The following DOCK10 variants were observed in gnomAD, a reference collection of about 807,000 sequenced individuals.
DOCK10 encodes the protein dedicator of cytokinesis 10.
DOCK10 carries 145 observed loss-of-function variants against 280.1 expected under a neutral mutation model. That is an observed-to-expected ratio of 0.52 (90% CI 0.45 to 0.59). The LOEUF (loss-of-function observed/expected upper bound fraction) is 0.59, where lower values mean the gene tolerates loss of function less well. DOCK10 is among the 20% of genes least tolerant of loss of function. The probability of loss-of-function intolerance (pLI) is 0.00; values close to 1 mark genes in which losing one functional copy is unlikely to be tolerated. For synonymous variants in DOCK10, 915 were observed against 942.2 expected (o/e 0.97, Z 0.53); for missense variants, 2,368 against 2,651.7 (o/e 0.89, Z 2.35).
chr2:224,869,743 G>A (rs567847811), intron 11 of DOCK10, among the ~76,000 whole-genome samples: 1 of 152,316 alleles, frequency 6.6e-6, no homozygotes, highest in African/African-American at 2.4e-5. Context: ...GTACTTGGCT[G>A]TGTTCTCTTG....
At chr2:225,028,125 C>A (rs1279514436) in intron 1 of DOCK10, among the ~76,000 whole-genome samples, 1 of 152,024 alleles carries the variant, frequency 6.6e-6, no homozygotes, top group African/African-American at 2.4e-5. Context: ...GGGGACTTTG[C>A]AAATATGATT....
At chr2:224,938,515 T>C (rs527341841) in intron 1 of DOCK10, among the ~76,000 whole-genome samples, 1 of 152,276 alleles carries the variant, frequency 6.6e-6, no homozygotes, top group South Asian at 2.1e-4. Flanking sequence ...ATGGGGTCTT[T>C]TGAGAGACCC....
intron 7 of DOCK10, among the ~76,000 whole-genome samples, chr2:224,883,401 C>T (rs1559649723): frequency 6.6e-6 from 1 of 152,130 alleles, no homozygotes; most frequent in African/African-American, 2.4e-5. Context: ...TAAATTAACA[C>T]ACTTAGGAAA....
intron 17 of DOCK10, 97 bp from the exon 18 acceptor site, chr2:224,852,539 A>C: frequency 1.1e-6 from 1 of 870,226 alleles, no homozygotes; most frequent in Admixed American, 2.4e-5. Flanking sequence ...ATTAATCCAA[A>C]AAATGTAAAA....
rs1363317856 is a variant in DOCK10, at chr2:224,811,491, T to G, written c.3409+2829A>C. Among the ~76,000 whole-genome samples the G allele has an allele frequency of 9.2e-5, 14 of 152,294 alleles. No homozygotes were observed. The East Asian group carries it at 2.7e-3, about 29-fold the overall frequency. ...CTGTGCAGAAGCTCTTTAGTTTAATTAGATCCCATTTGTCAATTTTGGCTT... is the reference window on the plus strand; with the variant it reads ...CTGTGCAGAAGCTCTTTAGTTTAATGAGATCCCATTTGTCAATTTTGGCTT... On this transcript the variant is annotated intron_variant, in intron 31 of 55. Transcript: ENST00000258390.
chr2:224,829,875 G>C (rs1047882313), intron 27 of DOCK10, among the ~76,000 whole-genome samples: 65 of 152,198 alleles, frequency 4.3e-4, no homozygotes, highest in African/African-American at 1.5e-3. Flanking sequence ...CCTCTTCTAA[G>C]CTTCCTTTCA....
intron 1 of DOCK10, among the ~76,000 whole-genome samples, chr2:224,961,880 C>T (rs1048800165): frequency 6.6e-6 from 1 of 152,126 alleles, no homozygotes; most frequent in Non-Finnish European, 1.5e-5. Flanking sequence ...GCAACTGAGT[C>T]TCAGTGAGAA....
intron 2 of DOCK10, among the ~76,000 whole-genome samples, chr2:224,920,231 T>C (rs1216342961): frequency 2.7e-5 from 3 of 111,078 alleles, no homozygotes; most frequent in Non-Finnish European, 5.2e-5. Context: ...CCTGGCTAAT[T>C]TTCACTTTTT....
intron 2 of DOCK10, among the ~76,000 whole-genome samples, chr2:224,921,441 A>G (rs945646704): frequency 2.0e-5 from 3 of 151,822 alleles, no homozygotes; most frequent in Non-Finnish European, 4.4e-5. Flanking sequence ...CTACTAGATT[A>G]GTAATGTCCT....
intron 7 of DOCK10, among the ~76,000 whole-genome samples, chr2:224,885,109 C>T (rs958709578): frequency 2.6e-4 from 40 of 152,226 alleles, no homozygotes; most frequent in African/African-American, 9.2e-4. Context: ...AAGTGATTCT[C>T]CTGCCTTAGC....
intron 43 of DOCK10, 125 bp downstream of exon 43, chr2:224,796,839 G>A (rs749507124): frequency 4.7e-5 from 38 of 815,166 alleles, no homozygotes; most frequent in Non-Finnish European, 5.6e-5. Context: ...TGCTGTGGGC[G>A]TCTTTAAGGA....
intron 30 of DOCK10, 51 bp from the exon 31 acceptor site, chr2:224,814,415 A>G (rs1693988485): frequency 6.2e-6 from 6 of 974,044 alleles, no homozygotes; most frequent in South Asian, 1.7e-5. Context: ...ACATACTCAG[A>G]TACATATGTA....
At position 224,851,333 on chromosome 2, in the gene DOCK10, T is replaced by C. The variant is rs560038717; in HGVS notation, c.2142+1044A>G. ...CTACAGGCCAAACGTGCTTGCCATC[T>C]GATCATTGCCTCTGTTTGCCTGACA... On this transcript the variant is annotated intron_variant, in intron 18 of 55. Coordinates refer to ENST00000258390, the MANE Select transcript of DOCK10 (RefSeq NM_014689.3). 7.2e-5 allele frequency among the ~76,000 whole-genome samples: 11 copies of C among 152,298 alleles called. No homozygotes were observed. The South Asian group carries it at 2.1e-3, about 29-fold the overall frequency.
Position 224,849,522 on chromosome 2 carries a change from C to T in DOCK10, c.2220G>A (p.Pro740=), listed in dbSNP as rs367798855. 2.3e-5 allele frequency: 37 copies of T among 1,611,376 alleles called. No individual in the cohort carries two copies. The highest frequency in any genetic ancestry group is 1.9e-4 in the African/African-American group (14 of 74,970). ...TAGCTCTTACCTCATCTGAGAAATC[C>T]GGATTCTGAGAGTGGTGCAGAACTG... is the stretch of plus-strand genomic sequence containing the variant. ...YTAVLHHSQN[P]DFSDEVKIEL... is the part of the protein sequence containing the mutation. The change falls in exon 19 of 56, where the codon CCG becomes CCA. Residue 740 remains proline (P), a synonymous_variant. Transcript: ENST00000258390.
chr2:224,869,150 C>T (rs1397528409), intron 11 of DOCK10, among the ~76,000 whole-genome samples: 2 of 152,000 alleles, frequency 1.3e-5, no homozygotes, highest in East Asian at 1.9e-4. Flanking sequence ...GAAAAAAACT[C>T]GCAAAGATAA....
Position 225,034,112 on chromosome 2 carries a change from T to C in DOCK10, c.123+8140A>G, listed in dbSNP as rs138683967. 4.6e-3 allele frequency among the ~76,000 whole-genome samples: 702 copies of C among 152,368 alleles called. 2 individuals carry two copies. Among genetic ancestry groups the C allele is most frequent in the Middle Eastern group, 0.017 (5 of 294 alleles). On this transcript the variant is annotated intron_variant, in intron 1 of 55. Transcript: ENST00000258390. ...GAAACTCTTTTTTAGAAACTCTTCC[T>C]ATAACTAGTACTCTGAGGGTTTCTT... is the stretch of plus-strand genomic sequence containing the variant.
At chr2:224,930,888 G>A (rs531452317) in intron 2 of DOCK10, among the ~76,000 whole-genome samples, 1 of 152,300 alleles carries the variant, frequency 6.6e-6, no homozygotes, top group East Asian at 1.9e-4. Flanking sequence ...AGACCACAAG[G>A]TAACAGTATT....
rs1693277251 is a variant in DOCK10, at chr2:224,804,828, T to A, written c.4132A>T (p.Asn1378Tyr). The change falls in exon 38 of 56, where the codon AAT becomes TAT. Residue 1378 changes from asparagine to tyrosine, a missense_variant. Asn to Tyr is a moderately radical substitution (Grantham distance 143). Coordinates refer to ENST00000258390, the MANE Select transcript of DOCK10 (RefSeq NM_014689.3). ...FFSILDVCLQ[N>Y]FRYLGKRNII... Reference sequence around the variant, plus strand: ...TTGCGTTTTCCTAGGTATCTGAAATTTTGAAGACAAACGCTAGAAAGGAGA... The same window carrying A: ...TTGCGTTTTCCTAGGTATCTGAAATATTGAAGACAAACGCTAGAAAGGAGA... The A allele has an allele frequency of 1.3e-6, 2 of 1,513,096 alleles. No individual in the cohort carries two copies. Among genetic ancestry groups the A allele is most frequent in the Non-Finnish European group, 1.8e-6 (2 of 1,131,542 alleles). The allele number at this position is 1,513,096 out of a possible 1,614,324, so 93.7% of individuals were successfully genotyped here.
At chr2:224,832,253 GA>G (rs2125403838) in intron 26 of DOCK10, among the ~76,000 whole-genome samples, 1 of 152,248 alleles carries the variant, frequency 6.6e-6, no homozygotes, top group South Asian at 2.1e-4. Context: ...AACTTCATAA[GA>G]ATGGAACTAT....
Sources: gnomAD v4.1 joint callset for allele counts (sites outside exome capture counted in the v4.1 genomes callset) on GRCh38, gnomAD v4.1.1 for gene constraint, MANE v1.5 for transcripts, NCBI Gene and HGNC (gene_info 2026-07-23, HGNC 2026-07-21) for gene names.